The following ULK4 variants were observed in gnomAD, a reference collection of about 807,000 sequenced individuals.
The protein encoded by ULK4 is inactive serine/threonine-protein kinase ULK4.
A neutral mutation model predicts 160.6 loss-of-function variants in ULK4; 133 were observed. That is an observed-to-expected ratio of 0.83 (90% CI 0.72 to 0.96). ULK4 has a LOEUF of 0.96. Ranked by LOEUF, ULK4 falls within the 40% of genes least tolerant of loss-of-function variation. The pLI is 0.00. For missense variants in ULK4, 1,580 were observed against 1,499.5 expected (o/e 1.05, Z -0.89); for synonymous variants, 534 against 539.8 (o/e 0.99, Z 0.15).
chr3:41,674,620 A>T (rs1407638436), intron 29 of ULK4, among the ~76,000 whole-genome samples: 1 of 152,234 alleles, frequency 6.6e-6, no homozygotes, highest in Non-Finnish European at 1.5e-5. Context: ...GTTAAAGGCA[A>T]GGTCAAGATT....
At chr3:41,784,549 TCA>T in intron 21 of ULK4, among the ~76,000 whole-genome samples, 1 of 152,354 alleles carries the variant, frequency 6.6e-6, no homozygotes, top group Non-Finnish European at 1.5e-5. Flanking sequence ...ACTTTTAACA[TCA>T]CAGTGTATGG....
At chr3:41,911,686 C>A in intron 9 of ULK4, 27 bp from the exon 10 acceptor site, 2 of 1,552,506 alleles carry the variant, frequency 1.3e-6, no homozygotes, top group South Asian at 1.1e-5. Flanking sequence ...CCAACACAAT[C>A]AAACTTACTT....
rs185467211 is a variant in ULK4, at chr3:41,927,432, G to T, written c.541+4412C>A. 3.3e-5 allele frequency among the ~76,000 whole-genome samples: 5 copies of T among 152,270 alleles called. No individual in the cohort carries two copies. In the East Asian group the frequency reaches 5.8e-4, roughly 18 times the overall value. On this transcript the variant is annotated intron_variant, in intron 5 of 36. Coordinates refer to ENST00000301831, the MANE Select transcript of ULK4 (RefSeq NM_017886.4). ...AGACCATCAACACTGTGAAGAAACTGCACCAACTAACGGGCAAAATAACCA... is the reference window on the plus strand; with the variant it reads ...AGACCATCAACACTGTGAAGAAACTTCACCAACTAACGGGCAAAATAACCA...
In ULK4 at chr3:41,931,968, G is replaced by C. The variant is rs35833603; in HGVS notation, c.417C>G (p.Asn139Lys). ...CACCTTCCACTTTTGCCAAGCAAAA[G>C]TTGCTAAACTTCAGTGTGCCAGGCC... The part of the protein sequence containing the change: ...LEGPGTLKFS[N>K]FCLAKVEGEN... Residue 139 changes from asparagine (N) to lysine (K), a missense_variant, in exon 5 of 37, where the codon AAC becomes AAG. Asn to Lys is a moderately conservative substitution (Grantham distance 94). Coordinates refer to ENST00000301831, the MANE Select transcript of ULK4 (RefSeq NM_017886.4). 5.1e-3 allele frequency: 8,249 copies of C among 1,613,922 alleles called. 30 individuals are homozygous for C. The highest frequency in any genetic ancestry group is 6.0e-3 in the Non-Finnish European group (7,068 of 1,179,962).
chr3:41,871,522 T>C (rs1363795025), intron 17 of ULK4, among the ~76,000 whole-genome samples: 2 of 152,234 alleles, frequency 1.3e-5, no homozygotes, highest in Non-Finnish European at 2.9e-5. Flanking sequence ...TTGACAGCAC[T>C]TGGTGCTGCC....
chr3:41,468,169 A>T lies in ULK4; in HGVS notation c.3227-4916T>A, dbSNP rs2083881836. ...GCTGAGTTTGATACAACAAAGGGAC[A>T]TTCAAAGTGCCAACGTTCAAGGGAG... On this transcript the variant is annotated intron_variant, in intron 32 of 36. Coordinates refer to ENST00000301831, the MANE Select transcript of ULK4 (RefSeq NM_017886.4). Among the ~76,000 whole-genome samples the T allele has an allele frequency of 2.0e-5, 3 of 152,196 alleles. No individual in the cohort carries two copies. The South Asian group carries it at 6.2e-4, about 31-fold the overall frequency.
chr3:41,306,920 T>A (rs1299397303), intron 35 of ULK4, among the ~76,000 whole-genome samples: 20 of 151,618 alleles, frequency 1.3e-4, no homozygotes, highest in African/African-American at 4.4e-4. Context: ...GTGCAAGATG[T>A]GCTTTGTTAA....
intron 30 of ULK4, among the ~76,000 whole-genome samples, chr3:41,627,858 G>C (rs186745975): frequency 6.6e-6 from 1 of 152,308 alleles, no homozygotes; most frequent in East Asian, 1.9e-4. Flanking sequence ...TGTAGGAATT[G>C]GCCAGTTATG....
At chr3:41,775,402 T>C (rs996062484) in intron 21 of ULK4, among the ~76,000 whole-genome samples, 4 of 148,662 alleles carry the variant, frequency 2.7e-5, no homozygotes, top group Non-Finnish European at 5.9e-5. Context: ...ACAACTCCTT[T>C]TTTTTTTTTT....
intron 34 of ULK4, among the ~76,000 whole-genome samples, chr3:41,418,642 C>T (rs1229080202): frequency 6.6e-6 from 1 of 151,744 alleles, no homozygotes; most frequent in Non-Finnish European, 1.5e-5. Context: ...TTTAATCTAT[C>T]TCATGTCAAT....
intron 1 of ULK4, among the ~76,000 whole-genome samples, chr3:41,961,270 C>A (rs1048273750): frequency 6.6e-6 from 1 of 152,120 alleles, no homozygotes; most frequent in African/African-American, 2.4e-5. Flanking sequence ...GACTCCCGCA[C>A]CAGAAGCATG....
intron 32 of ULK4, among the ~76,000 whole-genome samples, chr3:41,497,347 AT>A (rs1286706133): frequency 6.6e-6 from 1 of 152,080 alleles, no homozygotes; most frequent in African/African-American, 2.4e-5. Context: ...GAAACATTTG[AT>A]TTTTTAAAAA....
At chr3:41,877,487 C>T (rs556952042) in intron 17 of ULK4, among the ~76,000 whole-genome samples, 13 of 151,628 alleles carry the variant, frequency 8.6e-5, no homozygotes, top group African/African-American at 2.7e-4. Context: ...TCACTATGCT[C>T]GGCTAATTTT....
intron 31 of ULK4, among the ~76,000 whole-genome samples, chr3:41,600,102 G>A (rs73830285): frequency 0.05 from 7,669 of 152,108 alleles, 448 homozygotes; most frequent in African/African-American, 0.14. Context: ...GCTCATCAGA[G>A]GACATGAGAT....
intron 11 of ULK4, among the ~76,000 whole-genome samples, chr3:41,910,663 TC>T (rs777233671): frequency 1.8e-4 from 28 of 152,044 alleles, no homozygotes; most frequent in Non-Finnish European, 3.4e-4. Context: ...CCTCTTCTTT[TC>T]TGTAAGTATT....
In ULK4 at chr3:41,362,804, C is replaced by A. The variant is rs563694822; in HGVS notation, c.3678+35275G>T. Among the ~76,000 whole-genome samples, 11 of 152,338 alleles carry A rather than the reference C, an allele frequency of 7.2e-5. No individual in the cohort carries two copies. In the East Asian group the frequency reaches 1.9e-3, roughly 27 times the overall value. ...TCTATAGAGTCATCTGATTAACAGT[C>A]GGTGACAATAACCAGAACATCTCTG... On this transcript the variant is annotated intron_variant, in intron 35 of 36. Transcript: ENST00000301831.
At position 41,643,219 on chromosome 3, in the gene ULK4, G is replaced by A. The variant is rs529124266; in HGVS notation, c.3071+20388C>T. Among the ~76,000 whole-genome samples, 3 of 152,084 alleles carry A rather than the reference G, an allele frequency of 2.0e-5. No homozygotes were observed. In the East Asian group the frequency reaches 5.8e-4, roughly 29 times the overall value. On this transcript the variant is annotated intron_variant, in intron 30 of 36. Transcript: ENST00000301831. ...AATTAGATCCCATTTGTCAATTTTG[G>A]CTTTTGTTGCCATTGCTTTTGGTGT... is the stretch of plus-strand genomic sequence containing the variant.
At chr3:41,946,726 T>C (rs1472034719) in intron 2 of ULK4, among the ~76,000 whole-genome samples, 2 of 152,150 alleles carry the variant, frequency 1.3e-5, no homozygotes, top group Non-Finnish European at 1.5e-5. Flanking sequence ...CATGGTGAGA[T>C]AGTTTCTCTG....
At chr3:41,508,626 A>G (rs2085474102) in intron 32 of ULK4, among the ~76,000 whole-genome samples, 1 of 152,186 alleles carries the variant, frequency 6.6e-6, no homozygotes, top group South Asian at 2.1e-4. Flanking sequence ...CGAAAGACAT[A>G]AAGATGGATC....
Sources: allele counts gnomAD v4.1 joint callset (sites outside exome capture counted in the v4.1 genomes callset), GRCh38; gene constraint gnomAD v4.1.1; transcripts MANE v1.5; gene names NCBI Gene and HGNC (gene_info 2026-07-23, HGNC 2026-07-21).